The following F8 variants were observed in gnomAD, a reference collection of about 807,000 sequenced individuals.
The protein encoded by F8 is antihemophilic factor.
A neutral mutation model predicts 140.6 loss-of-function variants in F8; 12 were observed. The ratio of observed to expected loss-of-function variants is 0.09; its 90% CI spans 0.05 to 0.14. F8 has a LOEUF of 0.14. Ranked by LOEUF, F8 falls within the 10% of genes least tolerant of loss-of-function variation. The pLI, the probability that F8 is intolerant of heterozygous loss-of-function variation, is 1.00. For missense variants in F8, 1,354 were observed against 1,720.7 expected (o/e 0.79, Z 3.77); for synonymous variants, 585 against 614.6 (o/e 0.95, Z 0.71).
At chrX:154,871,056 A>G (rs2072770142) in intron 22 of F8, among the ~76,000 whole-genome samples, 1 of 112,499 alleles carries the variant, frequency 8.9e-6, no homozygotes, top group South Asian at 3.6e-4. Flanking sequence ...GAGGACACAA[A>G]CAAATGGAAA....
At chrX:154,861,366 C>T (rs1557272853) in intron 24 of F8, among the ~76,000 whole-genome samples, 2 of 111,665 alleles carry the variant, frequency 1.8e-5, no homozygotes, top group African/African-American at 6.5e-5. Context: ...TAGGCTCATC[C>T]TAGGGATACT....
chrX:154,841,018 A>C (rs2072515810), intron 25 of F8, among the ~76,000 whole-genome samples: 1 of 111,186 alleles, frequency 9.0e-6, no homozygotes, highest in African/African-American at 3.3e-5. Flanking sequence ...CAGCAATAAG[A>C]GGTGATTTAT....
intron 4 of F8, among the ~76,000 whole-genome samples, chrX:154,991,958 T>C (rs1304681629): frequency 1.8e-5 from 2 of 111,958 alleles, no homozygotes; most frequent in Non-Finnish European, 3.8e-5. Flanking sequence ...ATGTAGGTTA[T>C]GTGAGTGATT....
chrX:154,876,027 C>G (rs1557273970), intron 22 of F8, among the ~76,000 whole-genome samples: 1 of 110,248 alleles, frequency 9.1e-6, no homozygotes. Context: ...TCATAGAACA[C>G]CTGGGATTTT....
At chrX:155,011,180 A>G (rs944633043) in intron 1 of F8, among the ~76,000 whole-genome samples, 1 of 112,432 alleles carries the variant, frequency 8.9e-6, no homozygotes, top group Non-Finnish European at 1.9e-5. Flanking sequence ...AATATTAAGA[A>G]TAAATAAAGA....
At position 154,930,627 on chromosome X, in the gene F8, C is replaced by T. The variant is rs140027831; in HGVS notation, c.3163G>A (p.Asp1055Asn). ...GGTGTCACTTTTTTAAACTCAGTGTCACTTTCTAATATATTTTGCCAGACT... is the reference window on the plus strand; with the variant it reads ...GGTGTCACTTTTTTAAACTCAGTGTTACTTTCTAATATATTTTGCCAGACT... Reference protein sequence around the residue: ...PSVWQNILESDTEFKKVTPLI... With the variant: ...PSVWQNILESNTEFKKVTPLI... The change falls in exon 14 of 26, where the codon GAC becomes AAC. Residue 1055 changes from aspartate to asparagine, a missense_variant. Physicochemically the swap from Asp to Asn is conservative, Grantham distance 23. This residue lies in a region of F8 where 658 missense variants were observed against 666.5 expected (regional missense o/e 0.99). Transcript: ENST00000360256. 3 of 1,208,862 alleles carry T rather than the reference C, an allele frequency of 2.5e-6. No homozygotes were observed. Among genetic ancestry groups the T allele is most frequent in the East Asian group, 3.0e-5 (1 of 33,777 alleles).
rs150205952 is a variant in F8, at chrX:154,847,837, G to A, written c.6901-10085C>T. On this transcript the variant is annotated intron_variant, in intron 25 of 25. Transcript: ENST00000360256. ...TGTTCCGTTGCTGGCGAGGAGCTGC[G>A]TTCCTTTGGAGTAGGAGAGGTACTC... Among the ~76,000 whole-genome samples the A allele has an allele frequency of 7.9e-3, 896 of 113,027 alleles. 9 individuals are homozygous for A. The highest frequency in any genetic ancestry group is 0.027 in the African/African-American group (825 of 31,131).
In F8 at chrX:154,931,476, G is replaced by T; in HGVS notation, c.2314C>A (p.Gln772Lys). The change falls in exon 14 of 26, where the codon CAA becomes AAA. Residue 772 changes from glutamine to lysine, a missense_variant. Gln to Lys is a moderately conservative substitution (Grantham distance 53). Transcript: ENST00000360256. ...ATTGTGGTGGCATTAAATTGCTTTT[G>T]CCTAGTGCTAGGGTGTCTTGAATTC... ...SQNSRHPSTR[Q>K]KQFNATTIPE... 1 of 1,211,484 alleles carries T rather than the reference G, an allele frequency of 8.3e-7. No homozygotes were observed. Among genetic ancestry groups the T allele is most frequent in the Non-Finnish European group, 1.1e-6 (1 of 895,064 alleles).
intron 1 of F8, among the ~76,000 whole-genome samples, chrX:155,016,105 C>T (rs1357645422): frequency 1.8e-5 from 2 of 110,908 alleles, no homozygotes; most frequent in African/African-American, 3.3e-5. Context: ...GGCACGGTGG[C>T]GTGTGACCAT....
intron 1 of F8, among the ~76,000 whole-genome samples, chrX:155,007,208 T>A (rs1430815033): frequency 8.9e-6 from 1 of 112,522 alleles, no homozygotes; most frequent in Admixed American, 9.4e-5. Context: ...AAGTAATACG[T>A]TAATGCCAAC....
At chrX:154,969,607 A>G in intron 6 of F8, 55 bp from the exon 7 acceptor site, 1 of 1,039,022 alleles carries the variant, frequency 9.6e-7, no homozygotes, top group South Asian at 1.9e-5. Flanking sequence ...CTGAAATGGA[A>G]AACACTTGCT....
At chrX:154,876,797 C>T (rs1430599426) in intron 22 of F8, among the ~76,000 whole-genome samples, 8 of 111,088 alleles carry the variant, frequency 7.2e-5, no homozygotes, top group African/African-American at 2.6e-4. Flanking sequence ...AGAAAGCTAC[C>T]TGTTTCGTCT....
rs1319922373 is a variant in F8, at chrX:154,845,372, A to G, written c.6901-7620T>C. Among the ~76,000 whole-genome samples the G allele has an allele frequency of 1.2e-4, 14 of 112,236 alleles. 1 individual carries two copies. Among genetic ancestry groups the G allele is most frequent in the Non-Finnish European group, 2.4e-4 (13 of 53,237 alleles). On this transcript the variant is annotated intron_variant, in intron 25 of 25. Coordinates refer to ENST00000360256, the MANE Select transcript of F8 (RefSeq NM_000132.4). ...GAATAGTTTCAGAAGGAATGGTACC[A>G]GCTCCTCCTTGTAGTTCTGGTAGAA...
intron 19 of F8, among the ~76,000 whole-genome samples, chrX:154,901,775 A>G (rs1343538581): frequency 9.0e-6 from 1 of 111,457 alleles, no homozygotes; most frequent in Non-Finnish European, 1.9e-5. Context: ...AAAATCTGCT[A>G]CTGGAGATCT....
intron 20 of F8, among the ~76,000 whole-genome samples, chrX:154,901,056 G>C (rs2073007241): frequency 8.9e-6 from 1 of 112,237 alleles, no homozygotes; most frequent in Non-Finnish European, 1.9e-5. Flanking sequence ...ATAGACCCTA[G>C]TCAAACTTTA....
chrX:154,958,570 G>A (rs1369503221), intron 10 of F8, among the ~76,000 whole-genome samples: 1 of 111,729 alleles, frequency 9.0e-6, no homozygotes, highest in African/African-American at 3.3e-5. Flanking sequence ...ATAAAGAAAT[G>A]CAAATAAAGA....
intron 22 of F8, among the ~76,000 whole-genome samples, chrX:154,876,341 A>G (rs183448200): frequency 1.7e-3 from 186 of 110,332 alleles, no homozygotes; most frequent in Admixed American, 6.1e-3. Flanking sequence ...GGATGGTCTC[A>G]ATCTCCTGAC....
chrX:155,017,048 A>T (rs368530083), intron 1 of F8, among the ~76,000 whole-genome samples: 2 of 112,314 alleles, frequency 1.8e-5, no homozygotes, highest in Middle Eastern at 8.4e-3. Flanking sequence ...GGTCGGCCCA[A>T]TGTAATCACA....
At chrX:155,008,132 T>A (rs782321551) in intron 1 of F8, among the ~76,000 whole-genome samples, 2 of 110,990 alleles carry the variant, frequency 1.8e-5, no homozygotes, top group Non-Finnish European at 3.8e-5. Context: ...CAGGCACAGG[T>A]AGAACTCCAG....
Sources: allele counts gnomAD v4.1 joint callset (sites outside exome capture counted in the v4.1 genomes callset), GRCh38; gene constraint gnomAD v4.1.1; regional missense constraint gnomAD v4.1.1; transcripts MANE v1.5; gene names NCBI Gene and HGNC (gene_info 2026-07-23, HGNC 2026-07-21).